MYO5B: variants seen among roughly 807,000 people sequenced by gnomAD.
MYO5B encodes unconventional myosin-Vb.
A neutral mutation model predicts 229.3 loss-of-function variants in MYO5B; 143 were observed. The observed-to-expected ratio is 0.62, with a 90% CI of 0.54 to 0.72. MYO5B has a LOEUF of 0.72. Among genes scored for constraint, MYO5B ranks in the 30% least tolerant of loss-of-function variants. The pLI is 0.00. For missense variants in MYO5B, 2,321 were observed against 2,331.0 expected, an observed-to-expected ratio of 1.00 and a Z score of 0.09; for synonymous variants, 918 against 885.2, an observed-to-expected ratio of 1.04 and a Z score of -0.66.
At position 49,849,563 on chromosome 18, in the gene MYO5B, CT is replaced by C. The variant is rs2024173498; in HGVS notation, c.4315+3del. ...ACAAAACACACTCACTCACACCCCC[CT>C]ACCTTCTAGGTCCTGGGCTTTCTTC... On this transcript the variant is annotated splice_donor_region_variant and intron_variant, in intron 32 of 39. Coordinates refer to ENST00000285039, the MANE Select transcript of MYO5B (RefSeq NM_001080467.3). 3 of 1,605,660 alleles carry C rather than the reference CT, an allele frequency of 1.9e-6. No individual in the cohort carries two copies. Among genetic ancestry groups the C allele is most frequent in the African/African-American group, 2.7e-5 (2 of 74,856 alleles).
chr18:50,060,715 G>A (rs75823464), intron 1 of MYO5B, among the ~76,000 whole-genome samples: 76 of 152,298 alleles, frequency 5.0e-4, no homozygotes, highest in African/African-American at 1.7e-3. Context: ...GCCAGCTCCA[G>A]CAGCTGTTCT....
At chr18:50,015,386 A>G (rs17728746) in intron 4 of MYO5B, among the ~76,000 whole-genome samples, 23,811 of 152,170 alleles carry the variant, frequency 0.16, 1,952 homozygotes, top group South Asian at 0.23. Context: ...CAGGATCAGA[A>G]TTTGCTTGTT....
At chr18:49,837,149 A>G (rs543962917) in intron 37 of MYO5B, among the ~76,000 whole-genome samples, 2 of 152,368 alleles carry the variant, frequency 1.3e-5, no homozygotes, top group South Asian at 4.1e-4. Context: ...GGCATTAAAT[A>G]TACTGAATTG....
intron 17 of MYO5B, among the ~76,000 whole-genome samples, chr18:49,923,058 T>A (rs1027108552): frequency 6.6e-6 from 1 of 152,292 alleles, no homozygotes; most frequent in East Asian, 1.9e-4. Context: ...CTCAGCATGC[T>A]ACAACTAGGG....
At chr18:49,983,557 AC>A (rs1373140790) in intron 8 of MYO5B, among the ~76,000 whole-genome samples, 2 of 151,252 alleles carry the variant, frequency 1.3e-5, no homozygotes, top group Non-Finnish European at 2.9e-5. Flanking sequence ...TTCCCCCACC[AC>A]CCCATCCCGG....
intron 18 of MYO5B, among the ~76,000 whole-genome samples, chr18:49,910,237 T>G (rs1678367186): frequency 6.6e-6 from 1 of 152,118 alleles, no homozygotes; most frequent in South Asian, 2.1e-4. Flanking sequence ...GAGCCCAGTG[T>G]GGGGGCCGAC....
rs371741757 is a variant in MYO5B at position 49,906,611 on chromosome 18, A to T, written c.2222T>A (p.Phe741Tyr). The change falls in exon 19 of 40, where the codon TTT becomes TAT. Residue 741 changes from phenylalanine (F) to tyrosine (Y), a missense_variant. Phe to Tyr is a conservative substitution (Grantham distance 22). Transcript: ENST00000285039. ...TCGAAAGAAGATCTTGGTGCGGCCA[A>T]ACTGGAACTTGTCGGGGTCCTTTAC... ...NLIKDPDKFQFGRTKIFFRAG... is the reference protein window; with the variant it reads ...NLIKDPDKFQYGRTKIFFRAG... The T allele has an allele frequency of 1.2e-6, 2 of 1,613,884 alleles. No individual in the cohort carries two copies. Among genetic ancestry groups the T allele is most frequent in the African/African-American group, 2.7e-5 (2 of 74,910 alleles).
At chr18:49,902,490 TC>T in intron 21 of MYO5B, 103 bp downstream of exon 21, 1 of 1,524,440 alleles carries the variant, frequency 6.6e-7, no homozygotes, top group Non-Finnish European at 9.0e-7. Flanking sequence ...CTGTGCTCCC[TC>T]GGGTCTTCGG....
chr18:49,879,900 T>G (rs2024567675), intron 23 of MYO5B, among the ~76,000 whole-genome samples: 2 of 152,224 alleles, frequency 1.3e-5, no homozygotes, highest in Admixed American at 1.3e-4. Context: ...GAAACCATGA[T>G]GCGTGGATGG....
At chr18:50,039,911 G>A (rs2029959366) in intron 3 of MYO5B, among the ~76,000 whole-genome samples, 1 of 152,108 alleles carries the variant, frequency 6.6e-6, no homozygotes, top group Non-Finnish European at 1.5e-5. Context: ...CGCACCACAT[G>A]GTGTGACCCA....
At chr18:49,997,489 C>T (rs955518123) in intron 5 of MYO5B, among the ~76,000 whole-genome samples, 1 of 146,294 alleles carries the variant, frequency 6.8e-6, no homozygotes, top group East Asian at 2.1e-4. Flanking sequence ...CTCTGTGGCT[C>T]TCAGAGTTGT....
intron 36 of MYO5B, 109 bp from the exon 37 acceptor site, chr18:49,837,911 G>T: frequency 7.2e-7 from 1 of 1,395,758 alleles, no homozygotes; most frequent in Non-Finnish European, 1.0e-6. Context: ...ACCATCCAGA[G>T]GTGTGCAATG....
chr18:50,017,018 C>A (rs9653020), intron 4 of MYO5B, among the ~76,000 whole-genome samples: 130,082 of 151,772 alleles, frequency 0.86, 57,760 homozygotes, highest in East Asian at 1. Flanking sequence ...CATTAATCTA[C>A]TTTCTGTACC....
At chr18:49,851,856 G>A (rs2024204571) in intron 31 of MYO5B, among the ~76,000 whole-genome samples, 1 of 152,216 alleles carries the variant, frequency 6.6e-6, no homozygotes, top group Non-Finnish European at 1.5e-5. Context: ...TTGCTAAGTA[G>A]GTGAATATAC....
intron 1 of MYO5B, among the ~76,000 whole-genome samples, chr18:50,058,102 G>C (rs2144422599): frequency 6.6e-6 from 1 of 152,236 alleles, no homozygotes; most frequent in Middle Eastern, 3.4e-3. Context: ...CATAAATCAA[G>C]TTTCCTAGGA....
At chr18:50,165,258 G>A (rs1157935117) in intron 1 of MYO5B, among the ~76,000 whole-genome samples, 1 of 151,960 alleles carries the variant, frequency 6.6e-6, no homozygotes, top group Non-Finnish European at 1.5e-5. Flanking sequence ...TGAGGCAGGA[G>A]GATCACTTGA....
At chr18:50,082,720 C>T (rs1019387639) in intron 1 of MYO5B, among the ~76,000 whole-genome samples, 19 of 152,152 alleles carry the variant, frequency 1.2e-4, no homozygotes, top group Admixed American at 5.2e-4. Context: ...GCTTATTTTA[C>T]TTCAGTTAAA....
At chr18:49,961,100 T>C (rs796928624) in intron 12 of MYO5B, among the ~76,000 whole-genome samples, 19 of 152,308 alleles carry the variant, frequency 1.2e-4, no homozygotes, top group African/African-American at 4.3e-4. Flanking sequence ...GAGGTGGTAG[T>C]AGTGGATGCT....
intron 14 of MYO5B, among the ~76,000 whole-genome samples, chr18:49,952,696 T>A (rs2025442705): frequency 6.6e-6 from 1 of 152,164 alleles, no homozygotes; most frequent in African/African-American, 2.4e-5. Flanking sequence ...TTTCCTATGC[T>A]TGGAAATAAA....
Sources: gnomAD v4.1 joint callset for allele counts (sites outside exome capture counted in the v4.1 genomes callset) on GRCh38, gnomAD v4.1.1 for gene constraint, MANE v1.5 for transcripts, NCBI Gene and HGNC (gene_info 2026-07-23, HGNC 2026-07-21) for gene names.